Variants in MAPK10 observed in about 807,000 individuals in gnomAD.
The protein encoded by MAPK10 is JNK3 alpha protein kinase.
A neutral mutation model predicts 59.3 loss-of-function variants in MAPK10; 25 were observed. That is an observed-to-expected ratio of 0.42 (90% CI 0.31 to 0.59). The LOEUF is 0.59. MAPK10 is among the 20% of genes least tolerant of loss of function. MAPK10 has a pLI of 0.15. For synonymous variants in MAPK10, 190 were observed against 200.5 expected, an observed-to-expected ratio of 0.95 and a Z score of 0.44; for missense variants, 351 against 568.9, an observed-to-expected ratio of 0.62 and a Z score of 3.90.
chr4:86,342,480 A>G (rs1331326932), intron 2 of MAPK10, among the ~76,000 whole-genome samples: 1 of 152,170 alleles, frequency 6.6e-6, no homozygotes, highest in Non-Finnish European at 1.5e-5. Context: ...GAGCAAAAGA[A>G]CCTGGCAAAC....
chr4:86,530,532 G>A (rs1203590976), intron 1 of MAPK10, among the ~76,000 whole-genome samples: 6 of 152,154 alleles, frequency 3.9e-5, no homozygotes, highest in African/African-American at 9.7e-5. Flanking sequence ...AAAAACAACC[G>A]AAATTTATTT....
chr4:86,025,353 T>C (rs1749650951), intron 13 of MAPK10: 1 of 394,118 alleles, frequency 2.5e-6, no homozygotes, highest in South Asian at 1.4e-4. Flanking sequence ...CAGCCACTTC[T>C]GCTGGATGAT....
At chr4:86,518,412 A>G (rs1446512167) in intron 1 of MAPK10, among the ~76,000 whole-genome samples, 2 of 152,224 alleles carry the variant, frequency 1.3e-5, no homozygotes, top group African/African-American at 4.8e-5. Flanking sequence ...AAAGGTGTTC[A>G]TAGTAGCCTT....
At chr4:86,557,233 T>C (rs2149102735) in intron 1 of MAPK10, among the ~76,000 whole-genome samples, 2 of 152,216 alleles carry the variant, frequency 1.3e-5, no homozygotes, top group African/African-American at 4.8e-5. Context: ...GTTGTAAAGA[T>C]ATATTACTTC....
At chr4:86,212,593 A>C (rs1038975522) in intron 2 of MAPK10, among the ~76,000 whole-genome samples, 1 of 152,248 alleles carries the variant, frequency 6.6e-6, no homozygotes, top group Non-Finnish European at 1.5e-5. Flanking sequence ...TACTAACATC[A>C]GACATAGTAA....
intron 1 of MAPK10, among the ~76,000 whole-genome samples, chr4:86,560,555 T>C (rs1760599498): frequency 6.6e-6 from 1 of 152,240 alleles, no homozygotes; most frequent in African/African-American, 2.4e-5. Flanking sequence ...GCTGGTTCTA[T>C]CTGAAAGCGT....
chr4:86,025,532 G>T (rs1749737633), intron 13 of MAPK10: 1 of 398,246 alleles, frequency 2.5e-6, no homozygotes, highest in Admixed American at 4.4e-5. Flanking sequence ...TATGATCATT[G>T]TGTTCAGTTG....
At chr4:86,446,956 G>A (rs920269366) in intron 1 of MAPK10, among the ~76,000 whole-genome samples, 21 of 152,002 alleles carry the variant, frequency 1.4e-4, no homozygotes, top group African/African-American at 5.1e-4. Context: ...TGTTGGTTCT[G>A]TGTGTTACGA....
At chr4:86,519,568 T>A (rs943881242) in intron 1 of MAPK10, among the ~76,000 whole-genome samples, 1 of 152,216 alleles carries the variant, frequency 6.6e-6, no homozygotes, top group South Asian at 2.1e-4. Flanking sequence ...TGAATTCTTA[T>A]CCATTCTGCC....
chr4:86,497,629 G>C (rs1247288554), intron 1 of MAPK10, among the ~76,000 whole-genome samples: 1 of 152,176 alleles, frequency 6.6e-6, no homozygotes, highest in Non-Finnish European at 1.5e-5. Context: ...AATAAAATCT[G>C]TCCAGGGCTA....
In MAPK10 at chr4:86,107,561, G is replaced by A. The variant is rs1368990128; in HGVS notation, c.237-209C>T. The A allele has an allele frequency of 4.3e-6, 5 of 1,173,574 alleles. No homozygotes were observed. In the East Asian group the frequency reaches 1.6e-4, roughly 38 times the overall value. 72.7% of individuals were successfully genotyped at this position (1,173,574 alleles called of 1,614,324 possible). A position where few individuals can be genotyped will look rare whatever the true frequency, so the allele number is the denominator to read the frequency against. On this transcript the variant is annotated intron_variant, in intron 4 of 13. Coordinates refer to ENST00000641462, the MANE Select transcript of MAPK10 (RefSeq NM_138982.4). Reference sequence around the variant, plus strand: ...GCTAGGAGGATGAAGAAGAGTTGGAGGAAGGGAAGAAGGAGAAACAGGAGA... The same window carrying A: ...GCTAGGAGGATGAAGAAGAGTTGGAAGAAGGGAAGAAGGAGAAACAGGAGA...
At chr4:86,337,539 T>C (rs1436498113) in intron 2 of MAPK10, among the ~76,000 whole-genome samples, 1 of 152,190 alleles carries the variant, frequency 6.6e-6, no homozygotes, top group Non-Finnish European at 1.5e-5. Context: ...GTGAGAATTA[T>C]GGGTCCTCAA....
At chr4:86,561,279 T>G (rs1366347304) in intron 1 of MAPK10, among the ~76,000 whole-genome samples, 2 of 152,192 alleles carry the variant, frequency 1.3e-5, no homozygotes, top group Non-Finnish European at 2.9e-5. Context: ...TGGGGATCCC[T>G]GTCCTGCAAG....
At chr4:86,287,016 T>C (rs1005341779) in intron 2 of MAPK10, among the ~76,000 whole-genome samples, 2 of 152,142 alleles carry the variant, frequency 1.3e-5, no homozygotes, top group African/African-American at 4.8e-5. Context: ...TTAAGCTGCA[T>C]TCAAGAAAAA....
chr4:86,213,051 A>C (rs1485309235), intron 2 of MAPK10, among the ~76,000 whole-genome samples: 1 of 152,200 alleles, frequency 6.6e-6, no homozygotes, highest in African/African-American at 2.4e-5. Context: ...AGAAAAACTT[A>C]ACAATTCAGA....
chr4:86,195,345 G>A lies in MAPK10; in HGVS notation c.-6-938C>T, dbSNP rs139403713. On this transcript the variant is annotated intron_variant, in intron 2 of 13. Coordinates refer to ENST00000641462, the MANE Select transcript of MAPK10 (RefSeq NM_138982.4). ...CCATTTCTGGCAAGGATTGATAGAT[G>A]TCCTGAAAATCACTATCAGTGCAAA... 2.6e-5 allele frequency among the ~76,000 whole-genome samples: 4 copies of A among 152,278 alleles called. No individual in the cohort carries two copies. The East Asian group carries it at 5.8e-4, about 22-fold the overall frequency.
chr4:86,354,990 T>A (rs1001291689), intron 1 of MAPK10, among the ~76,000 whole-genome samples: 1 of 152,156 alleles, frequency 6.6e-6, no homozygotes, highest in Non-Finnish European at 1.5e-5. Flanking sequence ...GATTTACATA[T>A]TCTGCTTTTC....
At position 86,221,845 on chromosome 4, in the gene MAPK10, G is replaced by A. The variant is rs116941054; in HGVS notation, c.-6-27438C>T. Among the ~76,000 whole-genome samples the A allele has an allele frequency of 7.3e-4, 111 of 152,244 alleles. 1 individual carries two copies. The East Asian group carries it at 0.021, about 29-fold the overall frequency. ...TAGTGTTGGAGGTGGGACTTGGTGG[G>A]AGGTGATTGGAACATGGGGGTGGAA... On this transcript the variant is annotated intron_variant, in intron 2 of 13. Transcript: ENST00000641462.
intron 1 of MAPK10, among the ~76,000 whole-genome samples, chr4:86,479,566 A>G (rs754283611): frequency 1.1e-4 from 17 of 151,414 alleles, no homozygotes; most frequent in East Asian, 3.9e-4. Flanking sequence ...CCCTGCTCTT[A>G]TTTACACTGC....
Sources: gnomAD v4.1 joint callset for allele counts (sites outside exome capture counted in the v4.1 genomes callset) on GRCh38, gnomAD v4.1.1 for gene constraint, MANE v1.5 for transcripts, NCBI Gene and HGNC (gene_info 2026-07-23, HGNC 2026-07-21) for gene names.